ARHGAP23: variants seen among roughly 807,000 people sequenced by gnomAD.
ARHGAP23 encodes the protein rho GTPase-activating protein 23.
A neutral mutation model predicts 136.3 loss-of-function variants in ARHGAP23; 34 were observed. The ratio of observed to expected loss-of-function variants is 0.25; its 90% CI spans 0.19 to 0.33. The LOEUF (loss-of-function observed/expected upper bound fraction) is 0.33, where lower values mean the gene tolerates loss of function less well. Among genes scored for constraint, ARHGAP23 ranks in the 10% least tolerant of loss-of-function variants. ARHGAP23 has a pLI of 1.00. For missense variants in ARHGAP23, 1,808 were observed against 2,139.0 expected, an observed-to-expected ratio of 0.85 and a Z score of 3.05; for synonymous variants, 832 against 920.5, an observed-to-expected ratio of 0.90 and a Z score of 1.74.
intron 17 of ARHGAP23, among the ~76,000 whole-genome samples, chr17:38,488,984 T>C (rs1182854317): frequency 1.3e-5 from 2 of 152,160 alleles, no homozygotes; most frequent in Non-Finnish European, 1.5e-5. Context: ...CAAGCCATTC[T>C]CCTGTCTCAG....
At chr17:38,427,465 A>C (rs2038586869), upstream of ARHGAP23, among the ~76,000 whole-genome samples, 1 of 151,182 alleles carries the variant, frequency 6.6e-6, no homozygotes, top group Non-Finnish European at 1.5e-5. Context: ...CCCTGCCGAA[A>C]AAAAAAAAAG....
intron 11 of ARHGAP23, among the ~76,000 whole-genome samples, chr17:38,472,789 C>A (rs1264754124): frequency 6.6e-6 from 1 of 152,224 alleles, no homozygotes; most frequent in African/African-American, 2.4e-5. Flanking sequence ...GGTGACTCAC[C>A]TGGCCATGAC....
intron 1 of ARHGAP23, among the ~76,000 whole-genome samples, chr17:38,449,189 T>C (rs868845023): frequency 7.2e-5 from 11 of 152,284 alleles, no homozygotes; most frequent in Middle Eastern, 3.4e-3. Context: ...ATGTCTGGAG[T>C]GACAAGTGCT....
chr17:38,446,166 C>G (rs1027077517), intron 1 of ARHGAP23, among the ~76,000 whole-genome samples: 1 of 148,064 alleles, frequency 6.8e-6, no homozygotes, highest in African/African-American at 2.5e-5. Context: ...ATGTATGTGC[C>G]ACCACACCTG....
At chr17:38,453,037 T>A (rs112641063) in intron 1 of ARHGAP23, among the ~76,000 whole-genome samples, 2,396 of 152,228 alleles carry the variant, frequency 0.016, 81 homozygotes, top group African/African-American at 0.055. Flanking sequence ...GGCTGTGGCA[T>A]CCATGCCTGG....
chr17:38,498,675 G>A (rs949735954), intron 22 of ARHGAP23, among the ~76,000 whole-genome samples, 165 bp downstream of exon 22: 1 of 152,114 alleles, frequency 6.6e-6, no homozygotes, highest in Non-Finnish European at 1.5e-5. Context: ...TCCCTCCCTA[G>A]GGAAGTCCAG....
intron 17 of ARHGAP23, among the ~76,000 whole-genome samples, 161 bp downstream of exon 17, chr17:38,486,301 C>T (rs553196723): frequency 1.3e-5 from 2 of 151,314 alleles, no homozygotes; most frequent in South Asian, 4.2e-4. Context: ...AATCACGGCT[C>T]ATTGCAGCCT....
intron 10 of ARHGAP23, among the ~76,000 whole-genome samples, chr17:38,470,476 T>C (rs2039724655): frequency 6.6e-6 from 1 of 152,094 alleles, no homozygotes; most frequent in African/African-American, 2.4e-5. Flanking sequence ...TTGAGACTGG[T>C]GGACAGGTAG....
At chr17:38,506,817 A>G (rs925134588) in intron 23 of ARHGAP23, among the ~76,000 whole-genome samples, 9 of 152,150 alleles carry the variant, frequency 5.9e-5, no homozygotes, top group Non-Finnish European at 1.2e-4. Context: ...TTTAGTCCAT[A>G]GCAGTGAGTG....
chr17:38,428,413 C>A (rs902799529), upstream of ARHGAP23: 10 of 811,400 alleles, frequency 1.2e-5, no homozygotes, highest in African/African-American at 1.8e-5. Context: ...GCCCCGCCCC[C>A]GGCCCCGCCC....
intron 23 of ARHGAP23, among the ~76,000 whole-genome samples, chr17:38,502,990 A>G (rs1159843454): frequency 6.6e-6 from 1 of 152,138 alleles, no homozygotes; most frequent in Non-Finnish European, 1.5e-5. Context: ...GGCTGCAGTG[A>G]TGAGCCGTGA....
intron 17 of ARHGAP23, among the ~76,000 whole-genome samples, chr17:38,488,840 C>T (rs1423302774): frequency 6.6e-6 from 1 of 151,256 alleles, no homozygotes; most frequent in African/African-American, 2.4e-5. Flanking sequence ...TGAGCCACCG[C>T]GCCCTGCCTA....
chr17:38,490,665 C>T (rs1191424844), intron 19 of ARHGAP23, 114 bp downstream of exon 19: 26 of 822,966 alleles, frequency 3.2e-5, no homozygotes, highest in South Asian at 2.8e-4. Flanking sequence ...CCTCTAGGCA[C>T]GCCCTCCTCC....
chr17:38,451,171 C>T (rs957290492), intron 1 of ARHGAP23: 2 of 152,222 alleles, frequency 1.3e-5, no homozygotes, highest in African/African-American at 4.8e-5. Context: ...CCTGGAGGAT[C>T]ATTTATTCAA....
intron 3 of ARHGAP23, among the ~76,000 whole-genome samples, chr17:38,461,864 G>A (rs756562180): frequency 6.6e-6 from 1 of 152,132 alleles, no homozygotes; most frequent in Non-Finnish European, 1.5e-5. Context: ...CCTCTGTCTC[G>A]TGACTTGTGT....
chr17:38,453,422 CGTGTGTGTGTGTGT>C (rs1161809844), intron 1 of ARHGAP23, among the ~76,000 whole-genome samples: 27 of 116,656 alleles, frequency 2.3e-4, no homozygotes, highest in Middle Eastern at 9.3e-3. Flanking sequence ...CGTATGCGTG[CGTGTGTGTGTGTGT>C]GTGTGTGTGT....
chr17:38,434,591 G>A (rs118038157), intron 1 of ARHGAP23, among the ~76,000 whole-genome samples: 5,626 of 152,290 alleles, frequency 0.037, 236 homozygotes, highest in Admixed American at 0.11. Context: ...TGTGTGGGCC[G>A]GAGGAATGTG....
At position 38,488,575 on chromosome 17, in the gene ARHGAP23, T is replaced by TTTCA. The variant is rs539057622; in HGVS notation, c.2987-1526_2987-1523dup. On this transcript the variant is annotated intron_variant, in intron 17 of 23. Coordinates refer to ENST00000622683, the MANE Select transcript of ARHGAP23 (RefSeq NM_001199417.2). ...TTTTGTTTTGTTTTTTGAGACAGAG[T>TTTCA]TTCACTCTTGTCGCCCAAGCTGGAG... 5.9e-5 allele frequency among the ~76,000 whole-genome samples: 9 copies of TTTCA among 152,328 alleles called. No individual in the cohort carries two copies. The South Asian group carries it at 1.7e-3, about 28-fold the overall frequency.
In ARHGAP23 at chr17:38,428,517, TC is replaced by T; in HGVS notation, c.35del (p.Pro12ArgfsTer63). 3 of 1,455,598 alleles carry T rather than the reference TC, an allele frequency of 2.1e-6. No homozygotes were observed. The highest frequency in any genetic ancestry group is 2.7e-6 in the Non-Finnish European group (3 of 1,107,544). The allele number at this position is 1,455,598 out of a possible 1,614,324, so 90.2% of individuals were successfully genotyped here. MNGVAFCLVG[I>X]PPRPEPRPPQ... ...GGAGTCGCCTTCTGCCTGGTCGGGA[TC>T]CCGCCCCGCCCGGAGCCCCGGCCCC... On this transcript the variant is annotated frameshift_variant, in exon 1 of 24. Transcript: ENST00000622683. LOFTEE classifies it high-confidence loss of function.
Sources: allele counts gnomAD v4.1 joint callset (sites outside exome capture counted in the v4.1 genomes callset), GRCh38; gene constraint gnomAD v4.1.1; transcripts MANE v1.5; gene names NCBI Gene and HGNC (gene_info 2026-07-23, HGNC 2026-07-21).